Variants in OTUD7A observed in about 807,000 individuals in gnomAD.
The protein encoded by OTUD7A is OTU deubiquitinase 7A.
OTUD7A carries 12 observed loss-of-function variants against 65.7 expected under a neutral mutation model. The ratio of observed to expected loss-of-function variants is 0.18; its 90% CI spans 0.12 to 0.30. The LOEUF (loss-of-function observed/expected upper bound fraction) is 0.30. Ranked by LOEUF, OTUD7A falls within the 10% of genes least tolerant of loss-of-function variation. The probability of loss-of-function intolerance (pLI) is 1.00; values close to 1 mark genes in which losing one functional copy is unlikely to be tolerated. For synonymous variants in OTUD7A, 641 were observed against 586.3 expected, an observed-to-expected ratio of 1.09 and a Z score of -1.35; for missense variants, 1,148 against 1,304.8, an observed-to-expected ratio of 0.88 and a Z score of 1.85.
chr15:31,484,403 C>T lies in OTUD7A; in HGVS notation c.1693G>A (p.Glu565Lys). 1 of 1,601,528 alleles carries T rather than the reference C, an allele frequency of 6.2e-7. No homozygotes were observed. Among genetic ancestry groups the T allele is most frequent in the Non-Finnish European group, 8.5e-7 (1 of 1,179,780 alleles). Reference protein sequence around the residue: ...SANGKNGDSAERGKEKKAKSR... With the variant: ...SANGKNGDSAKRGKEKKAKSR... Reference sequence around the variant, plus strand: ...TTGGCCTTCTTCTCCTTGCCCCGCTCGGCCGAGTCCCCGTTCTTGCCATTG... The same window carrying T: ...TTGGCCTTCTTCTCCTTGCCCCGCTTGGCCGAGTCCCCGTTCTTGCCATTG... The change falls in exon 13 of 13, where the codon GAG becomes AAG. Residue 565 changes from glutamate to lysine, a missense_variant. By Grantham distance (56) the Glu-to-Lys change is moderately conservative (BLOSUM62 1). This residue lies in a region of OTUD7A where 842 missense variants were observed against 769.5 expected (regional missense o/e 1.09). Transcript: ENST00000307050. This position sits in a 1 kb window ranked among gnomAD's most constrained non-coding sequence, Gnocchi z 4.5.
chr15:31,739,271 A>T (rs1894274266), intron 1 of OTUD7A, among the ~76,000 whole-genome samples: 2 of 152,204 alleles, frequency 1.3e-5, no homozygotes, highest in Non-Finnish European at 2.9e-5. Flanking sequence ...TTGAGGTTCC[A>T]TGTCTACTAG....
intron 5 of OTUD7A, among the ~76,000 whole-genome samples, chr15:31,537,750 A>G (rs1223948484): frequency 6.6e-6 from 1 of 152,256 alleles, no homozygotes; most frequent in Non-Finnish European, 1.5e-5. Context: ...AATCCGACAC[A>G]TTTGACACCA....
intron 3 of OTUD7A, among the ~76,000 whole-genome samples, chr15:31,595,192 G>A (rs1382206755): frequency 6.6e-6 from 1 of 152,212 alleles, no homozygotes; most frequent in Non-Finnish European, 1.5e-5. Context: ...AGGGAAGCCT[G>A]TGCCTGGAGT....
chr15:31,682,010 G>A (rs1892729190), intron 1 of OTUD7A, among the ~76,000 whole-genome samples: 1 of 152,152 alleles, frequency 6.6e-6, no homozygotes, highest in Non-Finnish European at 1.5e-5. Flanking sequence ...CTGGAGTGGA[G>A]GAGAGAGTGA....
At chr15:31,563,222 A>G (rs1888751701) in intron 4 of OTUD7A, among the ~76,000 whole-genome samples, 1 of 152,148 alleles carries the variant, frequency 6.6e-6, no homozygotes, top group Non-Finnish European at 1.5e-5. Context: ...GTTTGCTGCC[A>G]GCTCAAAAGA....
At chr15:31,767,801 AT>A in intron 1 of OTUD7A, 1 of 765,326 alleles carries the variant, frequency 1.3e-6, no homozygotes, top group Non-Finnish European at 2.3e-6. Context: ...TAATTTAAAA[AT>A]ACTATCTTTA....
intron 1 of OTUD7A, among the ~76,000 whole-genome samples, chr15:31,750,582 C>A (rs1027194667): frequency 1.3e-5 from 2 of 151,990 alleles, no homozygotes; most frequent in African/African-American, 4.8e-5. Context: ...AAGCTGGAGG[C>A]ATCTCATTAC....
intron 1 of OTUD7A, among the ~76,000 whole-genome samples, chr15:31,781,594 C>T (rs982832499): frequency 2.0e-5 from 3 of 152,184 alleles, no homozygotes; most frequent in African/African-American, 4.8e-5. Flanking sequence ...GCTCAGATAG[C>T]ACCTCTCCTT....
Position 31,570,083 on chromosome 15 carries a change from C to G in OTUD7A, c.266G>C (p.Arg89Pro). 6.2e-7 allele frequency: 1 copy of G among 1,614,206 alleles called. No homozygotes were observed. Among genetic ancestry groups the G allele is most frequent in the Non-Finnish European group, 8.5e-7 (1 of 1,180,036 alleles). ...CACCTTGTGCCCGGGCTGTGGCTCTCGCTCTGGCTGCTTGGGACCCCGCCC... is the reference window on the plus strand; with the variant it reads ...CACCTTGTGCCCGGGCTGTGGCTCTGGCTCTGGCTGCTTGGGACCCCGCCC... Reference protein sequence around the residue: ...NEGRGPKQPEREPQPGHKVER... With the variant: ...NEGRGPKQPEPEPQPGHKVER... The change falls in exon 4 of 13, where the codon CGA (arginine) becomes CCA (proline). Residue 89 changes from arginine (R) to proline (P), a missense_variant. This residue lies in a region of OTUD7A where 51 missense variants were observed against 46.9 expected (regional missense o/e 1.09). Transcript: ENST00000307050.
chr15:31,630,342 G>A (rs1052367481), intron 3 of OTUD7A, among the ~76,000 whole-genome samples: 13 of 151,240 alleles, frequency 8.6e-5, no homozygotes, highest in Non-Finnish European at 1.9e-4. Context: ...CCTTCATTTC[G>A]TGATGTACCC....
intron 1 of OTUD7A, among the ~76,000 whole-genome samples, chr15:31,768,531 T>C (rs901734612): frequency 6.6e-6 from 1 of 152,016 alleles, no homozygotes; most frequent in African/African-American, 2.4e-5. Context: ...TGGTGGCACA[T>C]GCCTGTGGTC....
intron 3 of OTUD7A, among the ~76,000 whole-genome samples, chr15:31,638,424 G>C (rs1478566676): frequency 2.9e-5 from 4 of 140,112 alleles, no homozygotes. Flanking sequence ...CTGTCACCCA[G>C]ACTGGAGTAG....
At chr15:31,695,085 TC>T (rs1357069690) in intron 1 of OTUD7A, among the ~76,000 whole-genome samples, 1 of 152,216 alleles carries the variant, frequency 6.6e-6, no homozygotes. Flanking sequence ...GACCTTGCGA[TC>T]CGCCCACCTC....
chr15:31,857,344 G>A (rs1185568030), intron 1 of OTUD7A, among the ~76,000 whole-genome samples: 1 of 152,136 alleles, frequency 6.6e-6, no homozygotes. Flanking sequence ...GCCAGGAGCC[G>A]GGCCTCCCAG....
chr15:31,829,073 T>C (rs771416769), intron 1 of OTUD7A, among the ~76,000 whole-genome samples: 7 of 152,158 alleles, frequency 4.6e-5, no homozygotes, highest in Non-Finnish European at 1.0e-4. Context: ...TGTCAACTAA[T>C]GAAGCAGATA....
intron 5 of OTUD7A, among the ~76,000 whole-genome samples, chr15:31,541,583 AATACTT>A (rs2141135656): frequency 6.6e-6 from 1 of 152,320 alleles, no homozygotes; most frequent in East Asian, 1.9e-4. Flanking sequence ...AGAAAATAAA[AATACTT>A]ATTTTCAATA....
chr15:31,634,801 C>T (rs1039310706), intron 3 of OTUD7A, among the ~76,000 whole-genome samples: 8 of 152,238 alleles, frequency 5.3e-5, no homozygotes, highest in African/African-American at 1.2e-4. Context: ...TCGCCTCAGT[C>T]TGGGGCCCTT....
At chr15:31,720,971 T>C (rs1186536696) in intron 1 of OTUD7A, among the ~76,000 whole-genome samples, 1 of 151,922 alleles carries the variant, frequency 6.6e-6, no homozygotes, top group Non-Finnish European at 1.5e-5. Context: ...TGTGTTATAG[T>C]TGCCTGTAGT....
At chr15:31,815,958 C>T (rs1336116101) in intron 1 of OTUD7A, among the ~76,000 whole-genome samples, 1 of 152,210 alleles carries the variant, frequency 6.6e-6, no homozygotes, top group Non-Finnish European at 1.5e-5. Flanking sequence ...TGACTTACAC[C>T]ATTCGCCATG....
Sources: gnomAD v4.1 joint callset for allele counts (sites outside exome capture counted in the v4.1 genomes callset) on GRCh38, gnomAD v4.1.1 for gene constraint, gnomAD v4.1.1 regional missense constraint, Gnocchi (gnomAD v3.1) non-coding constraint, MANE v1.5 for transcripts, NCBI Gene and HGNC (gene_info 2026-07-23, HGNC 2026-07-21) for gene names.